The following ETNK1 variants were observed in gnomAD, a reference collection of about 807,000 sequenced individuals.
The protein encoded by ETNK1 is ethanolamine kinase 1.
Under a neutral mutation model 45.1 loss-of-function variants are expected in ETNK1, and 8 were observed. That is an observed-to-expected ratio of 0.18 (90% confidence interval 0.10 to 0.32). The LOEUF is 0.32. Ranked by LOEUF, ETNK1 falls within the 10% of genes least tolerant of loss-of-function variation. The pLI is 1.00. For synonymous variants in ETNK1, 152 were observed against 151.9 expected (o/e 1.00, Z -0.01); for missense variants, 302 against 430.6 (o/e 0.70, Z 2.64).
At chr12:22,649,905 C>A (rs553766999) in intron 2 of ETNK1, among the ~76,000 whole-genome samples, 1 of 152,068 alleles carries the variant, frequency 6.6e-6, no homozygotes, top group Non-Finnish European at 1.5e-5. Context: ...GAAGAACTGA[C>A]ATCTTGGCAG....
At chr12:22,659,190 A>C in intron 3 of ETNK1, 36 bp downstream of exon 3, 2 of 1,585,432 alleles carry the variant, frequency 1.3e-6, no homozygotes. Flanking sequence ...TATGTTTTAC[A>C]TTGCTTTGCT....
chr12:22,661,004 C>T, intron 3 of ETNK1, 59 bp from the exon 4 acceptor site: 4 of 1,456,176 alleles, frequency 2.7e-6, no homozygotes, highest in Admixed American at 2.2e-5. Flanking sequence ...GATTTTAATC[C>T]TTAATCAAAC....
At chr12:22,684,742 G>C (rs1190869392) in intron 7 of ETNK1, 140 bp from the exon 8 acceptor site, 1 of 744,540 alleles carries the variant, frequency 1.3e-6, no homozygotes, top group Non-Finnish European at 2.2e-6. Context: ...GTGTCCAGTA[G>C]GTGGTGCAAT....
intron 1 of ETNK1, among the ~76,000 whole-genome samples, chr12:22,630,838 T>C (rs1953570189): frequency 6.6e-6 from 1 of 152,038 alleles, no homozygotes; most frequent in Admixed American, 6.6e-5. Context: ...CTCGAATGCC[T>C]GACCTCAAGT....
chr12:22,671,374 C>T lies in ETNK1; in HGVS notation c.784+19C>T, dbSNP rs201789924. 20 of 1,383,120 alleles carry T rather than the reference C, an allele frequency of 1.4e-5. No individual in the cohort carries two copies. The African/African-American group carries it at 2.6e-4, about 18-fold the overall frequency. The allele number at this position is 1,383,120 out of a possible 1,614,324, so 85.7% of individuals were successfully genotyped here. A position where few individuals can be genotyped will look rare whatever the true frequency, so the allele number is the denominator to read the frequency against. ...TTTGCAGGTATAACTAATGGAGTAACTTATTTAGCTTTGAAACGATATTTT... is the reference window on the plus strand; with the variant it reads ...TTTGCAGGTATAACTAATGGAGTAATTTATTTAGCTTTGAAACGATATTTT... On this transcript the variant is annotated intron_variant, in intron 5 of 7. Coordinates refer to ENST00000266517, the MANE Select transcript of ETNK1 (RefSeq NM_018638.5).
intron 1 of ETNK1, among the ~76,000 whole-genome samples, chr12:22,633,859 C>T (rs1056185637): frequency 5.9e-5 from 9 of 151,982 alleles, no homozygotes; most frequent in Non-Finnish European, 1.3e-4. Context: ...TTTTCACACA[C>T]TCTAAAGGTT....
intron 6 of ETNK1, among the ~76,000 whole-genome samples, chr12:22,676,878 G>GT (rs1954167985): frequency 6.6e-6 from 1 of 151,136 alleles, no homozygotes; most frequent in Non-Finnish European, 1.5e-5. Flanking sequence ...TTGTAAATTT[G>GT]TTTAAGTTTT....
chr12:22,644,481 C>A, intron 2 of ETNK1: 1 of 730,854 alleles, frequency 1.4e-6, no homozygotes, highest in Non-Finnish European at 1.8e-6. Context: ...AGAATAATGT[C>A]ATATATGCTT....
In ETNK1 at chr12:22,651,603, G is replaced by A. The variant is rs192437051; in HGVS notation, c.417-7411G>A. ...ATTTTTTAAAAAATACAGCTCAATAGTGTTATTGCATTCACATGGTTGTGC... is the reference window on the plus strand; with the variant it reads ...ATTTTTTAAAAAATACAGCTCAATAATGTTATTGCATTCACATGGTTGTGC... On this transcript the variant is annotated intron_variant, in intron 2 of 7. Coordinates refer to ENST00000266517, the MANE Select transcript of ETNK1 (RefSeq NM_018638.5). Among the ~76,000 whole-genome samples the A allele has an allele frequency of 8.5e-4, 127 of 149,586 alleles. 3 individuals are homozygous for A. The highest frequency in any genetic ancestry group is 2.3e-3 in the Admixed American group (34 of 15,076).
At chr12:22,638,476 TC>T (rs1301460197) in intron 1 of ETNK1, 4 of 152,282 alleles carry the variant, frequency 2.6e-5, no homozygotes, top group African/African-American at 9.7e-5. Flanking sequence ...GGTCTCGAAC[TC>T]CTGACCTCAA....
chr12:22,675,860 T>C (rs1329667975), intron 6 of ETNK1, among the ~76,000 whole-genome samples: 1 of 152,156 alleles, frequency 6.6e-6, no homozygotes, highest in African/African-American at 2.4e-5. Context: ...TTAATAACAT[T>C]TCTGAATAAT....
rs192706024 is a variant in ETNK1 at position 22,664,612 on chromosome 12, A to G, written c.700+3407A>G. ...CATAGCATTAACACTTATGGCAGCA[A>G]TTTTGAAAAGGTTAATTAAAGATAC... On this transcript the variant is annotated intron_variant, in intron 4 of 7. Coordinates refer to ENST00000266517, the MANE Select transcript of ETNK1 (RefSeq NM_018638.5). 1.8e-4 allele frequency among the ~76,000 whole-genome samples: 28 copies of G among 152,200 alleles called. 1 individual carries two copies. The highest frequency in any genetic ancestry group is 1.4e-3 in the Admixed American group (21 of 15,286).
intron 4 of ETNK1, among the ~76,000 whole-genome samples, chr12:22,662,121 G>T (rs1478204636): frequency 7.0e-6 from 1 of 141,896 alleles, no homozygotes; most frequent in Non-Finnish European, 1.5e-5. Flanking sequence ...AGGCTGGAGT[G>T]CAATGGCATA....
chr12:22,688,562 T>C lies in ETNK1; in HGVS notation c.*3608T>C, dbSNP rs1565451553. ...AAATACTGTCATTTCAATTTTCTGC[T>C]TTAAATTGTTTTTAATAAGCATTCC... On this transcript the variant is annotated 3_prime_UTR_variant, in exon 8 of 8. Coordinates refer to ENST00000266517, the MANE Select transcript of ETNK1 (RefSeq NM_018638.5). 6.6e-6 allele frequency: 1 copy of C among 152,376 alleles called. No individual in the cohort carries two copies. The allele number at this position is 152,376 out of a possible 1,614,324, so 9.4% of individuals were successfully genotyped here.
chr12:22,631,550 A>G (rs1953581136), intron 1 of ETNK1, among the ~76,000 whole-genome samples: 2 of 152,208 alleles, frequency 1.3e-5, no homozygotes, highest in Admixed American at 1.3e-4. Context: ...AATGATAAAT[A>G]TATTTCTTCC....
chr12:22,684,748 G>T, intron 7 of ETNK1, 134 bp from the exon 8 acceptor site: 1 of 762,276 alleles, frequency 1.3e-6, no homozygotes, highest in African/African-American at 1.8e-5. Context: ...AGTAGGTGGT[G>T]CAATAAACTA....
At chr12:22,678,178 C>G (rs543681355) in intron 6 of ETNK1, among the ~76,000 whole-genome samples, 1 of 152,180 alleles carries the variant, frequency 6.6e-6, no homozygotes, top group African/African-American at 2.4e-5. Context: ...TCTCGCATCT[C>G]AAGCATTTGA....
Position 22,668,772 on chromosome 12 carries a change from A to C in ETNK1, c.701-2500A>C, listed in dbSNP as rs937809250. ...AAATTTCATTATTTATAAACTCAAC[A>C]TAGCATTTAAAAATAAAGGCTAGTT... On this transcript the variant is annotated intron_variant, in intron 4 of 7. Coordinates refer to ENST00000266517, the MANE Select transcript of ETNK1 (RefSeq NM_018638.5). Among the ~76,000 whole-genome samples the C allele has an allele frequency of 9.2e-5, 14 of 152,190 alleles. 1 individual carries two copies. The highest frequency in any genetic ancestry group is 3.4e-4 in the African/African-American group (14 of 41,444).
At chr12:22,632,514 A>AC (rs1426085919) in intron 1 of ETNK1, among the ~76,000 whole-genome samples, 1 of 149,714 alleles carries the variant, frequency 6.7e-6, no homozygotes, top group Non-Finnish European at 1.5e-5. Flanking sequence ...TTAAATTTTT[A>AC]CTTTTTTTTT....
Sources: allele counts gnomAD v4.1 joint callset (sites outside exome capture counted in the v4.1 genomes callset), GRCh38; gene constraint gnomAD v4.1.1; transcripts MANE v1.5; gene names NCBI Gene and HGNC (gene_info 2026-07-23, HGNC 2026-07-21).